CCDC50: variants seen among roughly 807,000 people sequenced by gnomAD.
CCDC50 encodes the protein coiled-coil domain-containing protein 50.
A neutral mutation model predicts 70.2 loss-of-function variants in CCDC50; 54 were observed. The observed-to-expected ratio is 0.77, with a 90% confidence interval of 0.62 to 0.96. CCDC50 has a LOEUF of 0.96. CCDC50 is among the 50% of genes least tolerant of loss of function. The pLI, the probability that CCDC50 is intolerant of heterozygous loss-of-function variation, is 0.00. For missense variants in CCDC50, 558 were observed against 578.7 expected (o/e 0.96, Z 0.37); for synonymous variants, 216 against 198.8 (o/e 1.09, Z -0.73).
At position 191,377,690 on chromosome 3, in the gene CCDC50, C is replaced by T. The variant is rs138291596; in HGVS notation, c.976+2101C>T. ...AAGAATCTATCATTTTACCTTATTC[C>T]AAGCTCAGAATAAATTTATCTTGAC... is the stretch of plus-strand genomic sequence containing the variant. On this transcript the variant is annotated intron_variant, in intron 6 of 11. Coordinates refer to ENST00000392455, the MANE Select transcript of CCDC50 (RefSeq NM_178335.3). Among the ~76,000 whole-genome samples the T allele has an allele frequency of 3.2e-3, 488 of 152,212 alleles. 3 individuals are homozygous for T. Among genetic ancestry groups the T allele is most frequent in the African/African-American group, 0.011 (463 of 41,524 alleles).
rs563254807 is a variant in CCDC50 at position 191,350,081 on chromosome 3, C to T, written c.50-7007C>T. 3.7e-5 allele frequency among the ~76,000 whole-genome samples: 5 copies of T among 136,030 alleles called. 2 individuals are homozygous for T. The highest frequency in any genetic ancestry group is 2.0e-4 in the East Asian group (1 of 5,076). 89.2% of individuals were successfully genotyped at this position (136,030 alleles called of 152,430 possible). On this transcript the variant is annotated intron_variant, in intron 1 of 11. Transcript: ENST00000392455. ...ATTTGTTGGGTAGTCTTATTCAAGC[C>T]GTTTTATTTCTCTTGAGCCTTAGTT...
intron 1 of CCDC50, among the ~76,000 whole-genome samples, chr3:191,355,980 G>C (rs968866738): frequency 6.6e-6 from 1 of 152,164 alleles, no homozygotes; most frequent in Non-Finnish European, 1.5e-5. Context: ...GAACGGCAAA[G>C]GAACGTTTTT....
chr3:191,379,098 T>A (rs1379252374), intron 6 of CCDC50, among the ~76,000 whole-genome samples: 1 of 152,094 alleles, frequency 6.6e-6, no homozygotes, highest in Non-Finnish European at 1.5e-5. Context: ...TCATTTTAAT[T>A]TACAGTAATT....
chr3:191,368,776 T>A (rs1016383589), intron 4 of CCDC50, among the ~76,000 whole-genome samples: 3 of 152,126 alleles, frequency 2.0e-5, no homozygotes, highest in Non-Finnish European at 2.9e-5. Flanking sequence ...TTTGTACCAG[T>A]GAGTATTATT....
At chr3:191,384,844 T>G (rs901191915) in intron 10 of CCDC50, among the ~76,000 whole-genome samples, 1 of 152,106 alleles carries the variant, frequency 6.6e-6, no homozygotes, top group Non-Finnish European at 1.5e-5. Flanking sequence ...GTGTTCCCAG[T>G]GTCTATTATT....
At chr3:191,357,233 G>GGA in intron 2 of CCDC50, 83 bp downstream of exon 2, 1 of 1,071,528 alleles carries the variant, frequency 9.3e-7, no homozygotes, top group Non-Finnish European at 1.4e-6. Flanking sequence ...GCTTAGGTGG[G>GGA]GAGAGAGCAC....
At chr3:191,358,806 A>G (rs957769328) in intron 3 of CCDC50, among the ~76,000 whole-genome samples, 2 of 152,186 alleles carry the variant, frequency 1.3e-5, no homozygotes, top group Admixed American at 6.5e-5. Flanking sequence ...ATGTGGGTAG[A>G]TTTAACCACA....
intron 1 of CCDC50, among the ~76,000 whole-genome samples, chr3:191,354,549 G>A (rs567462544): frequency 6.6e-6 from 1 of 152,150 alleles, no homozygotes; most frequent in Non-Finnish European, 1.5e-5. Flanking sequence ...CATATTTTTG[G>A]CGTAACGTTC....
rs146555265 is a variant in CCDC50 at position 191,340,842 on chromosome 3, C to A, written c.49+11119C>A. 8.7e-3 allele frequency among the ~76,000 whole-genome samples: 1,325 copies of A among 152,194 alleles called. 21 individuals carry two copies. The highest frequency in any genetic ancestry group is 0.03 in the African/African-American group (1,259 of 41,522). On this transcript the variant is annotated intron_variant, in intron 1 of 11. Transcript: ENST00000392455. ...GGAAACATTGCTTCAGATTCTATTT[C>A]TTTTTCTTCTAGAGACAGGGTTTCA...
intron 1 of CCDC50, among the ~76,000 whole-genome samples, chr3:191,342,064 T>G (rs1291872760): frequency 6.6e-6 from 1 of 152,236 alleles, no homozygotes; most frequent in Non-Finnish European, 1.5e-5. Context: ...CAAACACATT[T>G]TTAGTCAGTG....
intron 10 of CCDC50, among the ~76,000 whole-genome samples, chr3:191,386,328 G>A (rs974154910): frequency 4.1e-5 from 6 of 147,850 alleles, no homozygotes; most frequent in Admixed American, 1.4e-4. Context: ...GGGTTCAAGC[G>A]ATTCTTCTGC....
chr3:191,355,549 G>C (rs1044393064), intron 1 of CCDC50, among the ~76,000 whole-genome samples: 1 of 152,190 alleles, frequency 6.6e-6, no homozygotes, highest in Non-Finnish European at 1.5e-5. Flanking sequence ...CCCAAGCCCT[G>C]TCACCAGTGA....
chr3:191,369,036 A>AG (rs1712804104), intron 4 of CCDC50, among the ~76,000 whole-genome samples: 1 of 152,124 alleles, frequency 6.6e-6, no homozygotes, highest in Non-Finnish European at 1.5e-5. Flanking sequence ...CTGTTTTTCT[A>AG]GCCTCAGCTT....
chr3:191,381,393 C>CTTAT, intron 9 of CCDC50, among the ~76,000 whole-genome samples: 1 of 152,246 alleles, frequency 6.6e-6, no homozygotes, highest in East Asian at 1.9e-4. Context: ...AAGATACATA[C>CTTAT]TTATCACCAA....
chr3:191,359,146 G>T (rs954612539), intron 3 of CCDC50, among the ~76,000 whole-genome samples: 1 of 152,156 alleles, frequency 6.6e-6, no homozygotes, highest in African/African-American at 2.4e-5. Flanking sequence ...GAGTCACAGA[G>T]AATTGAAATG....
chr3:191,390,407 G>GAAA (rs1713651014), intron 11 of CCDC50, among the ~76,000 whole-genome samples: 1 of 5,716 alleles, frequency 1.7e-4, no homozygotes, highest in Non-Finnish European at 5.9e-4. Flanking sequence ...CCAAGAAGAA[G>GAAA]GTTCGAATAA....
intron 1 of CCDC50, among the ~76,000 whole-genome samples, chr3:191,354,737 C>T (rs1402751374): frequency 2.0e-5 from 3 of 152,112 alleles, no homozygotes; most frequent in African/African-American, 4.8e-5. Flanking sequence ...GTGATTTATA[C>T]TAGTCCCTTC....
rs916132504 is a variant in CCDC50, at chr3:191,347,067, G to A, written c.50-10021G>A. ...ACTTTAGCAGGTCAGATATTTGTAA[G>A]AAGTTTGCAGAGGATCCTGAGTTAT... On this transcript the variant is annotated intron_variant, in intron 1 of 11. Transcript: ENST00000392455. Among the ~76,000 whole-genome samples the A allele has an allele frequency of 1.1e-4, 16 of 141,908 alleles. 2 individuals are homozygous for A. Among genetic ancestry groups the A allele is most frequent in the Non-Finnish European group, 2.5e-4 (16 of 63,000 alleles). 93.1% of individuals were successfully genotyped at this position (141,908 alleles called of 152,430 possible). A position where few individuals can be genotyped will look rare whatever the true frequency, so the allele number is the denominator to read the frequency against.
At chr3:191,379,753 T>C in intron 6 of CCDC50, among the ~76,000 whole-genome samples, 1 of 152,146 alleles carries the variant, frequency 6.6e-6, no homozygotes, top group Non-Finnish European at 1.5e-5. Flanking sequence ...GCCTCTACTC[T>C]CCTCCAGCCT....
Sources: allele counts gnomAD v4.1 joint callset (sites outside exome capture counted in the v4.1 genomes callset), GRCh38; gene constraint gnomAD v4.1.1; transcripts MANE v1.5; gene names NCBI Gene and HGNC (gene_info 2026-07-23, HGNC 2026-07-21).